The following CLSTN2 variants were observed in gnomAD, a reference collection of about 807,000 sequenced individuals.
CLSTN2 encodes the protein calsyntenin 2, also known as calsyntenin-2.
CLSTN2 carries 48 observed loss-of-function variants against 101.2 expected under a neutral mutation model. The ratio of observed to expected loss-of-function variants is 0.47; its 90% confidence interval spans 0.38 to 0.60. The LOEUF (loss-of-function observed/expected upper bound fraction) is 0.60. CLSTN2 is among the 20% of genes least tolerant of loss of function. The pLI is 0.00. For missense variants in CLSTN2, 1,160 were observed against 1,238.2 expected, an observed-to-expected ratio of 0.94 and a Z score of 0.95; for synonymous variants, 481 against 463.6, an observed-to-expected ratio of 1.04 and a Z score of -0.48.
chr3:140,487,292 A>G (rs1203224523), intron 8 of CLSTN2, among the ~76,000 whole-genome samples: 2 of 152,232 alleles, frequency 1.3e-5, no homozygotes, highest in Admixed American at 1.3e-4. Flanking sequence ...AGAGTCTCCC[A>G]TATTTATTTG....
chr3:140,437,347 C>G (rs1330571550), intron 5 of CLSTN2, among the ~76,000 whole-genome samples: 1 of 152,168 alleles, frequency 6.6e-6, no homozygotes, highest in Non-Finnish European at 1.5e-5. Context: ...CAAGCCCAGC[C>G]AGGAGGTTCG....
At chr3:139,962,005 A>G (rs911499579) in intron 1 of CLSTN2, among the ~76,000 whole-genome samples, 1 of 152,144 alleles carries the variant, frequency 6.6e-6, no homozygotes, top group African/African-American at 2.4e-5. Flanking sequence ...ATAATATTTC[A>G]ATATGTGAGT....
chr3:140,204,427 A>C (rs971539225), intron 2 of CLSTN2, among the ~76,000 whole-genome samples: 3 of 152,218 alleles, frequency 2.0e-5, no homozygotes, highest in African/African-American at 7.2e-5. Flanking sequence ...CCTACCCCAC[A>C]TCCTTGAGGG....
chr3:140,547,452 C>A (rs1935617688), intron 10 of CLSTN2, among the ~76,000 whole-genome samples: 1 of 151,742 alleles, frequency 6.6e-6, no homozygotes, highest in South Asian at 2.1e-4. Flanking sequence ...CCAGCCTGGG[C>A]AGCAGAGCCA....
intron 1 of CLSTN2, among the ~76,000 whole-genome samples, chr3:139,963,763 G>A (rs1203518732): frequency 6.6e-6 from 1 of 152,218 alleles, no homozygotes; most frequent in South Asian, 2.1e-4. Flanking sequence ...CAGGAGACCT[G>A]TGGTGAGCAT....
At chr3:140,097,539 G>A (rs2008888770) in intron 1 of CLSTN2, among the ~76,000 whole-genome samples, 1 of 152,094 alleles carries the variant, frequency 6.6e-6, no homozygotes, top group South Asian at 2.1e-4. Flanking sequence ...TGAAACATTA[G>A]GTAAAAATCA....
intron 2 of CLSTN2, 61 bp downstream of exon 2, chr3:140,176,134 C>T: frequency 6.3e-7 from 1 of 1,590,162 alleles, no homozygotes; most frequent in Non-Finnish European, 8.6e-7. Context: ...TGTGAAACCT[C>T]CACAAAGCCC....
intron 1 of CLSTN2, among the ~76,000 whole-genome samples, chr3:139,949,981 G>A (rs1307009105): frequency 2.6e-5 from 4 of 152,168 alleles, no homozygotes; most frequent in African/African-American, 9.7e-5. Context: ...AATTGGAAAA[G>A]CTTTGTCTTC....
chr3:139,959,900 G>A (rs990552005), intron 1 of CLSTN2, among the ~76,000 whole-genome samples: 5 of 151,914 alleles, frequency 3.3e-5, no homozygotes, highest in African/African-American at 1.2e-4. Flanking sequence ...GTCTTTGACT[G>A]AGCTAACCTT....
At chr3:140,134,769 G>A (rs2009574936) in intron 1 of CLSTN2, among the ~76,000 whole-genome samples, 1 of 152,032 alleles carries the variant, frequency 6.6e-6, no homozygotes, top group Admixed American at 6.6e-5. Flanking sequence ...AGGGTGGAGG[G>A]AGCAGCTGTC....
At chr3:140,249,679 T>C (rs1430622774) in intron 2 of CLSTN2, among the ~76,000 whole-genome samples, 25 of 152,326 alleles carry the variant, frequency 1.6e-4, no homozygotes, top group South Asian at 2.1e-4. Context: ...AGAGTTAGTT[T>C]GTACTTTAGA....
rs1469067754 is a variant in CLSTN2 at position 140,562,058 on chromosome 3, C to T, written c.2042-80C>T. 3 of 1,324,968 alleles carry T rather than the reference C, an allele frequency of 2.3e-6. No homozygotes were observed. The East Asian group carries it at 7.0e-5, about 31-fold the overall frequency. The allele number at this position is 1,324,968 out of a possible 1,614,324, so 82.1% of individuals were successfully genotyped here. A position where few individuals can be genotyped will look rare whatever the true frequency, so the allele number is the denominator to read the frequency against. The stretch of plus-strand genomic sequence containing the variant: ...CCAGCCTTAACCTGGGGTGCAATAA[C>T]AGAGGAGGAAGGTGATTAGCAAGGG... On this transcript the variant is annotated intron_variant, in intron 12 of 16. Coordinates refer to ENST00000458420, the MANE Select transcript of CLSTN2 (RefSeq NM_022131.3).
At chr3:140,118,314 A>G (rs998316200) in intron 1 of CLSTN2, among the ~76,000 whole-genome samples, 5 of 152,250 alleles carry the variant, frequency 3.3e-5, no homozygotes, top group African/African-American at 9.6e-5. Context: ...GCAGATTAAT[A>G]TGGGCCATGT....
At chr3:140,146,938 C>G (rs2009789285) in intron 1 of CLSTN2, among the ~76,000 whole-genome samples, 1 of 152,214 alleles carries the variant, frequency 6.6e-6, no homozygotes, top group Non-Finnish European at 1.5e-5. Context: ...CAGCACTAAG[C>G]TCTGTTTCAA....
chr3:140,421,100 G>A (rs371406375), intron 4 of CLSTN2, 25 bp from the exon 5 acceptor site: 411 of 1,609,364 alleles, frequency 2.6e-4, no homozygotes, highest in Non-Finnish European at 3.4e-4. Context: ...GACCTGAAAT[G>A]CTTTTGAACA....
intron 1 of CLSTN2, among the ~76,000 whole-genome samples, chr3:140,046,592 C>T (rs1318322672): frequency 6.6e-6 from 1 of 152,158 alleles, no homozygotes; most frequent in African/African-American, 2.4e-5. Context: ...TTAGTTGATG[C>T]AGTTCCTTCC....
chr3:139,993,158 A>T (rs1225567494), intron 1 of CLSTN2, among the ~76,000 whole-genome samples: 1 of 151,870 alleles, frequency 6.6e-6, no homozygotes, highest in Non-Finnish European at 1.5e-5. Context: ...CTTTCTTCTC[A>T]TTCCCTCATA....
In CLSTN2 at chr3:140,405,353, G is replaced by A. The variant is rs536675659; in HGVS notation, c.637+587G>A. Among the ~76,000 whole-genome samples the A allele has an allele frequency of 5.1e-3, 775 of 151,952 alleles. 1 individual carries two copies. The highest frequency in any genetic ancestry group is 9.4e-3 in the South Asian group (45 of 4,808). On this transcript the variant is annotated intron_variant, in intron 4 of 16. Coordinates refer to ENST00000458420, the MANE Select transcript of CLSTN2 (RefSeq NM_022131.3). ...AGTTATTCTCCTGCCTCAGCCTCCC[G>A]AGGAGCTGGGATTACAAGCGTGCGC...
chr3:140,133,401 A>C (rs1324091656), intron 1 of CLSTN2, among the ~76,000 whole-genome samples: 3 of 152,216 alleles, frequency 2.0e-5, no homozygotes, highest in African/African-American at 7.2e-5. Flanking sequence ...ATTGACTTTG[A>C]AACTACACAG....
Sources: gnomAD v4.1 joint callset for allele counts (sites outside exome capture counted in the v4.1 genomes callset) on GRCh38, gnomAD v4.1.1 for gene constraint, MANE v1.5 for transcripts, NCBI Gene and HGNC (gene_info 2026-07-23, HGNC 2026-07-21) for gene names.